Variants in VSIG10L2 observed in about 807,000 individuals in gnomAD.
VSIG10L2 encodes V-set and immunoglobulin domain containing 10 like 2, also known as V-set and immunoglobulin domain-containing protein 10-like 2.
VSIG10L2 carries 56 observed loss-of-function variants against 67.1 expected under a neutral mutation model. The ratio of observed to expected loss-of-function variants is 0.83; its 90% CI spans 0.67 to 1.04. The LOEUF is 1.04. Among genes scored for constraint, VSIG10L2 ranks in the 50% least tolerant of loss-of-function variants. The pLI, the probability that VSIG10L2 is intolerant of heterozygous loss-of-function variation, is 0.00. For synonymous variants in VSIG10L2, 360 were observed against 396.6 expected, an observed-to-expected ratio of 0.91 and a Z score of 1.10; for missense variants, 843 against 932.8, an observed-to-expected ratio of 0.90 and a Z score of 1.25.
At position 125,953,710 on chromosome 11, in the gene VSIG10L2, C is replaced by T. The variant is rs78102456; in HGVS notation, c.1786+20C>T. The T allele has an allele frequency of 7.5e-5, 92 of 1,231,968 alleles. No homozygotes were observed. Among genetic ancestry groups the T allele is most frequent in the Middle Eastern group, 3.1e-4 (1 of 3,212 alleles). 76.3% of individuals were successfully genotyped at this position (1,231,968 alleles called of 1,614,324 possible). The stretch of plus-strand genomic sequence containing the variant: ...TCCTGAGTGAGTGAGGGGTTGAATG[C>T]GTGTGTGTGGTGAGGTGGGGGCTGG... On this transcript the variant is annotated intron_variant, in intron 7 of 11. Transcript: ENST00000686984.
Position 125,951,926 on chromosome 11 carries a change from G to A in VSIG10L2, c.1348G>A (p.Asp450Asn). The A allele has an allele frequency of 6.5e-7, 1 of 1,535,894 alleles. No homozygotes were observed. Among genetic ancestry groups the A allele is most frequent in the Non-Finnish European group, 8.7e-7 (1 of 1,146,718 alleles). ...GCCCCCTGCCACGCTGGGCTGGCTT[G>A]ACGAACAGCAGCAGCCCCTGGGCGG... ...GEPPATLGWL[D>N]EQQQPLGGSS... Residue 450 changes from aspartate (D) to asparagine (N), a missense_variant, in exon 6 of 12, where the codon GAC becomes AAC. Coordinates refer to ENST00000686984, the MANE Select transcript of VSIG10L2 (RefSeq NM_001365077.2).
At chr11:125,953,375 G>C (rs957940236) in intron 6 of VSIG10L2, 25 bp from the exon 7 acceptor site, 3 of 1,232,324 alleles carry the variant, frequency 2.4e-6, no homozygotes, top group Admixed American at 4.2e-5. Context: ...CCCACTAGCC[G>C]GCCTCATCCT....
chr11:125,955,994 T>C lies in VSIG10L2; in HGVS notation c.*80T>C, dbSNP rs911368455. 2.0e-5 allele frequency: 13 copies of C among 645,344 alleles called. No homozygotes were observed. The African/African-American group carries it at 2.2e-4, about 11-fold the overall frequency. 40.0% of individuals were successfully genotyped at this position (645,344 alleles called of 1,614,324 possible). On this transcript the variant is annotated 3_prime_UTR_variant, in exon 12 of 12. Transcript: ENST00000686984. ...GAGCCCTTCTGTCAGACTTTGGTCA[T>C]AAAACCAACGTAGCTAAGACACCAA... is the stretch of plus-strand genomic sequence containing the variant.
chr11:125,953,818 G>A, intron 7 of VSIG10L2, 128 bp downstream of exon 7: 1 of 915,188 alleles, frequency 1.1e-6, no homozygotes, highest in Non-Finnish European at 1.4e-6. Context: ...GCTTCCTTGG[G>A]CATAGGCAGG....
In VSIG10L2 at chr11:125,946,203, C is replaced by T. The variant is rs1945301749; in HGVS notation, c.82+66C>T. 2.5e-6 allele frequency: 1 copy of T among 398,826 alleles called. No homozygotes were observed. Among genetic ancestry groups the T allele is most frequent in the Non-Finnish European group, 4.4e-6 (1 of 226,080 alleles). The allele number at this position is 398,826 out of a possible 1,614,324, so 24.7% of individuals were successfully genotyped here. A position where few individuals can be genotyped will look rare whatever the true frequency, so the allele number is the denominator to read the frequency against. The stretch of plus-strand genomic sequence containing the variant: ...TCCCATCCCATTATTCCTGCCACTT[C>T]CTGGGGGATCCTCCTTTTGCACTCC... On this transcript the variant is annotated intron_variant, in intron 1 of 11. Transcript: ENST00000686984. The surrounding 1 kb of genome is among the most constrained non-coding windows in gnomAD (Gnocchi z 4.4).
Position 125,956,217 on chromosome 11 carries a change from G to A in VSIG10L2, c.*303G>A, listed in dbSNP as rs1333476590. 1.8e-6 allele frequency: 1 copy of A among 555,428 alleles called. No homozygotes were observed. The highest frequency in any genetic ancestry group is 3.4e-6 in the Non-Finnish European group (1 of 292,730). 34.4% of individuals were successfully genotyped at this position (555,428 alleles called of 1,614,324 possible). ...CAAGTGAAAGCCATGGTACTGGGAA[G>A]GATCTGTGGTGCTATAGAAGTATGA... is the stretch of plus-strand genomic sequence containing the variant. On this transcript the variant is annotated 3_prime_UTR_variant, in exon 12 of 12. Transcript: ENST00000686984.
chr11:125,951,488 TTC>T (rs766125797), intron 5 of VSIG10L2, among the ~76,000 whole-genome samples: 3 of 152,192 alleles, frequency 2.0e-5, no homozygotes, highest in Non-Finnish European at 4.4e-5. Context: ...GCCTTCAGCA[TTC>T]TCTCTGCCAA....
chr11:125,946,260 C>G lies in VSIG10L2; in HGVS notation c.82+123C>G, dbSNP rs1404612795. On this transcript the variant is annotated intron_variant, in intron 1 of 11. Coordinates refer to ENST00000686984, the MANE Select transcript of VSIG10L2 (RefSeq NM_001365077.2). The surrounding 1 kb of genome is among the most constrained non-coding windows in gnomAD (Gnocchi z 4.4). The stretch of plus-strand genomic sequence containing the variant: ...TGAAGTCCGTTCAGTCATTCATCGG[C>G]TAGACATTTAACTAGCGTTCACTGA... 2 of 396,998 alleles carry G rather than the reference C, an allele frequency of 5.0e-6. No homozygotes were observed. Among genetic ancestry groups the G allele is most frequent in the Non-Finnish European group, 8.9e-6 (2 of 225,354 alleles). The allele number at this position is 396,998 out of a possible 1,614,324, so 24.6% of individuals were successfully genotyped here.
intron 1 of VSIG10L2, chr11:125,947,334 G>A (rs965940303): frequency 1.4e-6 from 1 of 724,264 alleles, no homozygotes; most frequent in African/African-American, 1.9e-5. Context: ...GGATTCCTGG[G>A]CCCTGACCCC....
rs1288761694 is a variant in VSIG10L2 at position 125,948,538 on chromosome 11, G to A, written c.667G>A (p.Val223Met). 8.1e-6 allele frequency: 10 copies of A among 1,232,220 alleles called. No homozygotes were observed. The South Asian group carries it at 1.2e-4, about 15-fold the overall frequency. The allele number at this position is 1,232,220 out of a possible 1,614,324, so 76.3% of individuals were successfully genotyped here. A position where few individuals can be genotyped will look rare whatever the true frequency, so the allele number is the denominator to read the frequency against. Residue 223 changes from valine to methionine, a missense_variant, in exon 3 of 12, where the codon GTG (valine) becomes ATG (methionine). This residue lies in a region of VSIG10L2 where 446 missense variants were observed against 548.4 expected (regional missense o/e 0.81). Transcript: ENST00000686984. ...GTACATGTGCAGCGCCAGCAACTCC[G>A]TGAACAGGCTGAGCAGTGACGGGGC... The part of the protein sequence containing the change: ...GWYMCSASNS[V>M]NRLSSDGAFL...
chr11:125,952,635 C>T (rs1945393240), intron 6 of VSIG10L2, among the ~76,000 whole-genome samples: 1 of 152,124 alleles, frequency 6.6e-6, no homozygotes. Flanking sequence ...AGAGAGGTGC[C>T]TGATTATATT....
At position 125,955,231 on chromosome 11, in the gene VSIG10L2, C is replaced by T. The variant is rs1565478835; in HGVS notation, c.2206+52C>T. 3.9e-6 allele frequency: 5 copies of T among 1,287,180 alleles called. No homozygotes were observed. In the East Asian group the frequency reaches 1.5e-4, roughly 38 times the overall value. 79.7% of individuals were successfully genotyped at this position (1,287,180 alleles called of 1,614,324 possible). On this transcript the variant is annotated intron_variant, in intron 9 of 11. Transcript: ENST00000686984. The stretch of plus-strand genomic sequence containing the variant: ...TGCTTGACCCCACAGGGTGGCCAGG[C>T]CCTGACCTATCCAAAGGAGAGATGC...
intron 3 of VSIG10L2, 134 bp from the exon 4 acceptor site, chr11:125,949,880 G>GCCTA: frequency 1.1e-6 from 1 of 939,524 alleles, no homozygotes. Flanking sequence ...CTCTAAGAGG[G>GCCTA]CCTAGCCTTG....
chr11:125,955,270 G>A (rs1945445394), intron 9 of VSIG10L2, 91 bp downstream of exon 9: 2 of 1,305,836 alleles, frequency 1.5e-6, no homozygotes, highest in Non-Finnish European at 1.9e-6. Flanking sequence ...ACTCCCGGGG[G>A]AGAAGAATCT....
intron 9 of VSIG10L2, among the ~76,000 whole-genome samples, 74 bp from the exon 10 acceptor site, chr11:125,955,408 G>A (rs1373226766): frequency 6.6e-6 from 1 of 152,224 alleles, no homozygotes; most frequent in Admixed American, 6.5e-5. Flanking sequence ...AGCCCACTGG[G>A]AAAGAGACGG....
chr11:125,952,532 T>C (rs1024990544), intron 6 of VSIG10L2, among the ~76,000 whole-genome samples: 2 of 152,244 alleles, frequency 1.3e-5, no homozygotes, highest in Admixed American at 6.5e-5. Flanking sequence ...AGTTCCCATA[T>C]TGACGTGGCT....
chr11:125,954,575 C>A (rs1591531564), intron 8 of VSIG10L2, among the ~76,000 whole-genome samples, 192 bp downstream of exon 8: 3 of 152,254 alleles, frequency 2.0e-5, no homozygotes, highest in Non-Finnish European at 4.4e-5. Flanking sequence ...CTGTCCCTCC[C>A]TGGGGGGCTT....
chr11:125,950,856 C>T (rs1945358543), intron 4 of VSIG10L2, 54 bp from the exon 5 acceptor site: 1 of 1,231,914 alleles, frequency 8.1e-7, no homozygotes, highest in East Asian at 3.2e-5. Flanking sequence ...GGCCTGGGGG[C>T]TGCAGGGCAC....
intron 3 of VSIG10L2, among the ~76,000 whole-genome samples, chr11:125,948,884 C>A (rs893312472): frequency 2.6e-5 from 4 of 152,248 alleles, no homozygotes; most frequent in African/African-American, 4.8e-5. Flanking sequence ...TTAGGTTGAG[C>A]CTGGAGGGCT....
Sources: allele counts gnomAD v4.1 joint callset (sites outside exome capture counted in the v4.1 genomes callset), GRCh38; gene constraint gnomAD v4.1.1; regional missense constraint gnomAD v4.1.1; non-coding constraint Gnocchi (gnomAD v3.1); transcripts MANE v1.5; gene names NCBI Gene and HGNC (gene_info 2026-07-23, HGNC 2026-07-21).